COPZ2: variants seen among roughly 807,000 people sequenced by gnomAD.
The protein encoded by COPZ2 is coatomer subunit zeta-2.
Under a neutral mutation model 33.2 loss-of-function variants are expected in COPZ2, and 30 were observed. The ratio of observed to expected loss-of-function variants is 0.90; its 90% confidence interval spans 0.68 to 1.23. The LOEUF (loss-of-function observed/expected upper bound fraction) is 1.23, where lower values mean the gene tolerates loss of function less well. COPZ2 is among the 50% of genes most tolerant of loss of function. The pLI is 0.00. For missense variants in COPZ2, 263 were observed against 262.4 expected (o/e 1.00, Z -0.02); for synonymous variants, 89 against 102.6 (o/e 0.87, Z 0.80).
At chr17:48,034,940 C>T (rs1232346975) in intron 2 of COPZ2, among the ~76,000 whole-genome samples, 1 of 151,992 alleles carries the variant, frequency 6.6e-6, no homozygotes, top group Non-Finnish European at 1.5e-5. Flanking sequence ...GAGCTGAGAT[C>T]GCGCCACTGA....
chr17:48,033,054 C>T (rs1031310389), intron 4 of COPZ2, 157 bp downstream of exon 4: 3 of 615,002 alleles, frequency 4.9e-6, no homozygotes, highest in Non-Finnish European at 8.7e-6. Context: ...CACATTGTCC[C>T]AGAAAGAACC....
upstream of COPZ2, among the ~76,000 whole-genome samples, chr17:48,041,975 A>G (rs924702457): frequency 4.0e-5 from 6 of 151,840 alleles, no homozygotes; most frequent in South Asian, 1.3e-3. Context: ...CTGGCTCCAT[A>G]GGGGAGGTGG....
the COPZ2 span, among the ~76,000 whole-genome samples, chr17:48,044,480 A>G: frequency 3.5e-5 from 5 of 141,310 alleles, no homozygotes; most frequent in Non-Finnish European, 6.0e-5. Flanking sequence ...CTGGCTGTGC[A>G]TAAGAATCAC....
At chr17:48,034,601 CAGG>C (rs2036949845) in intron 2 of COPZ2, among the ~76,000 whole-genome samples, 1 of 152,122 alleles carries the variant, frequency 6.6e-6, no homozygotes. Flanking sequence ...ACGGCAAAAC[CAGG>C]AGTCCTTCTT....
At position 48,026,400 on chromosome 17, in the gene COPZ2, G is replaced by C. The variant is rs767995815; in HGVS notation, c.*28C>G. 3.1e-6 allele frequency: 5 copies of C among 1,591,862 alleles called. No homozygotes were observed. The Admixed American group carries it at 8.3e-5, about 27-fold the overall frequency. ...TGCCAGGATTGGGGAAATGATCTGG[G>C]GGGCAGGGAGCCTTGAATCCACAGC... On this transcript the variant is annotated 3_prime_UTR_variant, in exon 9 of 9. Transcript: ENST00000621465.
At chr17:48,033,434 C>T in intron 3 of COPZ2, 132 bp from the exon 4 acceptor site, 1 of 654,050 alleles carries the variant, frequency 1.5e-6, no homozygotes, top group African/African-American at 1.8e-5. Flanking sequence ...AAGACCAGCA[C>T]TAGGGACACT....
At chr17:48,029,586 T>A (rs1457690601) in intron 6 of COPZ2, among the ~76,000 whole-genome samples, 1 of 151,292 alleles carries the variant, frequency 6.6e-6, no homozygotes, top group Non-Finnish European at 1.5e-5. Flanking sequence ...TGTTGCACTG[T>A]TATTTTATGG....
chr17:48,030,916 TTA>T (rs1185140403), intron 6 of COPZ2, among the ~76,000 whole-genome samples: 2 of 152,226 alleles, frequency 1.3e-5, no homozygotes. Context: ...AAACCTGGCG[TTA>T]CCCCACTCCC....
At chr17:48,027,223 C>T (rs1184155075) in intron 8 of COPZ2, among the ~76,000 whole-genome samples, 1 of 152,232 alleles carries the variant, frequency 6.6e-6, no homozygotes, top group African/African-American at 2.4e-5. Flanking sequence ...ATTTTATCCC[C>T]CATTGGCTAC....
upstream of COPZ2, among the ~76,000 whole-genome samples, chr17:48,042,668 G>A (rs2037073598): frequency 6.6e-6 from 1 of 151,746 alleles, no homozygotes; most frequent in Non-Finnish European, 1.5e-5. Context: ...CACCATGTTA[G>A]CCAGGTTGTT....
chr17:48,047,397 C>T, the COPZ2 span: 11 of 152,202 alleles, frequency 7.2e-5, no homozygotes, highest in Admixed American at 7.2e-4. Flanking sequence ...ATCAGACTCT[C>T]CAGTGGGACC....
At chr17:48,029,564 G>T (rs1187307256) in intron 6 of COPZ2, 1 of 279,244 alleles carries the variant, frequency 3.6e-6, no homozygotes, top group Non-Finnish European at 6.5e-6. Flanking sequence ...GAGGCCCTGG[G>T]GGTTCTTATC....
At chr17:48,029,697 G>A (rs1290076254) in intron 6 of COPZ2, among the ~76,000 whole-genome samples, 4 of 150,654 alleles carry the variant, frequency 2.7e-5, no homozygotes, top group Admixed American at 6.6e-5. Flanking sequence ...GGCTGGGCAC[G>A]GTGGCTCATG....
chr17:48,029,100 A>C lies in COPZ2; in HGVS notation c.546+25T>G, dbSNP rs571470764. 137 of 1,565,470 alleles carry C rather than the reference A, an allele frequency of 8.8e-5. No individual in the cohort carries two copies. In the East Asian group the frequency reaches 3.1e-3, roughly 35 times the overall value. Reference sequence around the variant, plus strand: ...GAGGACAGGAAGGGCAGCCTAAAAGAGGAGGTGTCCAGGAAGACTCTTACC... The same window carrying C: ...GAGGACAGGAAGGGCAGCCTAAAAGCGGAGGTGTCCAGGAAGACTCTTACC... On this transcript the variant is annotated intron_variant, in intron 7 of 8. Coordinates refer to ENST00000621465, the MANE Select transcript of COPZ2 (RefSeq NM_016429.4).
Position 48,032,718 on chromosome 17 carries a change from G to A in COPZ2, c.384C>T (p.Thr128=). Residue 128 remains threonine (T), a synonymous_variant, in exon 5 of 9, where the codon ACC becomes ACT. Transcript: ENST00000621465. ...ENELMLMSVL[T]CLFESLNHML... ...TGTGGTTCAGAGACTCAAACAGGCA[G>A]GTGAGAACAGACATGAGCATCAGCT... 2 of 1,594,104 alleles carry A rather than the reference G, an allele frequency of 1.3e-6. No individual in the cohort carries two copies. Among genetic ancestry groups the A allele is most frequent in the Non-Finnish European group, 1.7e-6 (2 of 1,170,298 alleles).
At chr17:48,032,094 C>G (rs1291531566) in intron 6 of COPZ2, 62 bp downstream of exon 6, 2 of 1,389,710 alleles carry the variant, frequency 1.4e-6, no homozygotes, top group Non-Finnish European at 2.0e-6. Context: ...TGGGTGCCAT[C>G]TGGGGCTGAT....
At chr17:48,046,574 A>G in the COPZ2 span, 4 of 152,184 alleles carry the variant, frequency 2.6e-5, no homozygotes, top group African/African-American at 4.8e-5. Flanking sequence ...GCCCAGTTCT[A>G]TGTTTAAAAT....
upstream of COPZ2, among the ~76,000 whole-genome samples, chr17:48,042,099 C>T (rs1598269785): frequency 6.6e-6 from 1 of 152,008 alleles, no homozygotes; most frequent in Non-Finnish European, 1.5e-5. Flanking sequence ...TTCTCATCAC[C>T]CCCACATCTA....
Position 48,028,987 on chromosome 17 carries a change from C to T in COPZ2, c.546+138G>A. On this transcript the variant is annotated intron_variant, in intron 7 of 8. Coordinates refer to ENST00000621465, the MANE Select transcript of COPZ2 (RefSeq NM_016429.4). The surrounding 1 kb of genome is among the most constrained non-coding windows in gnomAD (Gnocchi z 4.5). ...ACCCAGAAACTGCTGCTCATCTCAC[C>T]CCTAACAAGTGTGTCAGCCCAGTGG... 4.1e-6 allele frequency: 3 copies of T among 728,684 alleles called. No homozygotes were observed. Among genetic ancestry groups the T allele is most frequent in the Non-Finnish European group, 6.9e-6 (3 of 436,048 alleles). 45.1% of individuals were successfully genotyped at this position (728,684 alleles called of 1,614,324 possible).
Sources: gnomAD v4.1 joint callset for allele counts (sites outside exome capture counted in the v4.1 genomes callset) on GRCh38, gnomAD v4.1.1 for gene constraint, Gnocchi (gnomAD v3.1) non-coding constraint, MANE v1.5 for transcripts, NCBI Gene and HGNC (gene_info 2026-07-23, HGNC 2026-07-21) for gene names.